CDH23: variants seen among roughly 807,000 people sequenced by gnomAD.
CDH23 encodes the protein cadherin related 23, also known as cadherin-23.
A neutral mutation model predicts 317.1 loss-of-function variants in CDH23; 189 were observed. That is an observed-to-expected ratio of 0.60 (90% confidence interval 0.53 to 0.67). The LOEUF (loss-of-function observed/expected upper bound fraction) is 0.67. CDH23 is among the 30% of genes least tolerant of loss of function. CDH23 has a pLI of 0.00. For synonymous variants in CDH23, 1,839 were observed against 1,876.8 expected (o/e 0.98, Z 0.52); for missense variants, 4,401 against 4,592.4 (o/e 0.96, Z 1.20).
At chr10:71,439,804 C>T in intron 1 of CDH23, 23 bp from the exon 2 acceptor site, 10 of 1,547,590 alleles carry the variant, frequency 6.5e-6, no homozygotes, top group Non-Finnish European at 8.8e-6. Context: ...TTCTCACCCT[C>T]TTCTCTTTCT....
intron 14 of CDH23, among the ~76,000 whole-genome samples, chr10:71,651,253 G>A (rs1863153202): frequency 6.6e-6 from 1 of 151,992 alleles, no homozygotes; most frequent in Non-Finnish European, 1.5e-5. Context: ...AAAGAGGCTG[G>A]GAGCAGTGGC....
chr10:71,588,935 G>T (rs1859272232), intron 9 of CDH23, among the ~76,000 whole-genome samples: 1 of 152,146 alleles, frequency 6.6e-6, no homozygotes, highest in South Asian at 2.1e-4. Context: ...CCTGCTGCAG[G>T]CTGCACTTGG....
chr10:71,741,882 G>T lies in CDH23; in HGVS notation c.4806G>T (p.Leu1602=), dbSNP rs377237148. 1.9e-6 allele frequency: 3 copies of T among 1,609,030 alleles called. No individual in the cohort carries two copies. The highest frequency in any genetic ancestry group is 2.5e-6 in the Non-Finnish European group (3 of 1,178,084). ...GCGAGCGCCAGAGCTTCTACCACCT[G>T]GTGGCCACTGTGGAGGACGAGGGCA... ...PDRERQSFYH[L]VATVEDEGTP... Residue 1602 remains leucine, a synonymous_variant, in exon 38 of 70, where the codon CTG becomes CTT. Transcript: ENST00000224721.
intron 18 of CDH23, among the ~76,000 whole-genome samples, 181 bp downstream of exon 18, chr10:71,682,753 C>A (rs1864706927): frequency 1.3e-5 from 2 of 152,178 alleles, no homozygotes; most frequent in African/African-American, 4.8e-5. Flanking sequence ...GCTGCAACAA[C>A]TTCACTGCCT....
At chr10:71,678,097 T>C (rs868180895) in intron 16 of CDH23, among the ~76,000 whole-genome samples, 32 of 152,302 alleles carry the variant, frequency 2.1e-4, no homozygotes, top group African/African-American at 7.5e-4. Context: ...TTATACACAG[T>C]GTCTGTCTCA....
At chr10:71,664,409 C>T (rs1234674131) in intron 14 of CDH23, among the ~76,000 whole-genome samples, 1 of 152,210 alleles carries the variant, frequency 6.6e-6, no homozygotes, top group Non-Finnish European at 1.5e-5. Context: ...TCGAGAGCAC[C>T]CATCAGCCTC....
intron 6 of CDH23, among the ~76,000 whole-genome samples, chr10:71,547,979 T>C (rs1317665763): frequency 2.6e-5 from 4 of 152,022 alleles, no homozygotes; most frequent in African/African-American, 4.8e-5. Flanking sequence ...CCCCGTGGGG[T>C]AGGGTCAGTC....
At chr10:71,593,090 G>T (rs1264841220) in intron 9 of CDH23, among the ~76,000 whole-genome samples, 1 of 152,236 alleles carries the variant, frequency 6.6e-6, no homozygotes, top group Non-Finnish European at 1.5e-5. Context: ...GGCCATGCGT[G>T]GGGCAGGCCC....
chr10:71,511,517 T>C (rs756229076), intron 6 of CDH23, among the ~76,000 whole-genome samples: 3 of 151,196 alleles, frequency 2.0e-5, no homozygotes, highest in Non-Finnish European at 3.0e-5. Context: ...TGCACCCTCT[T>C]TCCTTCCACT....
At chr10:71,557,625 G>A (rs7069618) in intron 6 of CDH23, among the ~76,000 whole-genome samples, 13 of 152,272 alleles carry the variant, frequency 8.5e-5, no homozygotes, top group African/African-American at 1.9e-4. Context: ...TGAACAATGC[G>A]TTCATGCTAT....
At chr10:71,478,526 C>T (rs757323610) in intron 3 of CDH23, among the ~76,000 whole-genome samples, 10 of 152,244 alleles carry the variant, frequency 6.6e-5, no homozygotes, top group African/African-American at 1.2e-4. Context: ...AGCAGCCCTG[C>T]ATGATAGAGC....
chr10:71,682,619 G>T, intron 18 of CDH23, 47 bp downstream of exon 18: 1 of 1,603,710 alleles, frequency 6.2e-7, no homozygotes. Flanking sequence ...GTAAGGGATG[G>T]TGAGTGCTTC....
chr10:71,739,567 C>A, intron 35 of CDH23, 77 bp from the exon 36 acceptor site: 1 of 1,539,008 alleles, frequency 6.5e-7, no homozygotes. Context: ...AGAGGAGGAC[C>A]AGGGAGTCCC....
chr10:71,564,746 G>A (rs879539462), intron 6 of CDH23, among the ~76,000 whole-genome samples: 6 of 152,320 alleles, frequency 3.9e-5, no homozygotes, highest in East Asian at 3.9e-4. Context: ...AGTGAGGGCC[G>A]GCTACCCTGT....
Position 71,566,948 on chromosome 10 carries a change from T to A in CDH23, c.624+12T>A, listed in dbSNP as rs372584254. On this transcript the variant is annotated intron_variant, in intron 7 of 69. Coordinates refer to ENST00000224721, the MANE Select transcript of CDH23 (RefSeq NM_022124.6). ...CGGTCAACGCCACAGTGAGTCTCCA[T>A]GCTGGGGCCCCGGCCGTCCCAGCTG... 1.2e-6 allele frequency: 2 copies of A among 1,608,880 alleles called. No individual in the cohort carries two copies. Among genetic ancestry groups the A allele is most frequent in the Non-Finnish European group, 1.7e-6 (2 of 1,178,992 alleles).
chr10:71,461,039 G>A (rs1050391687), intron 3 of CDH23, among the ~76,000 whole-genome samples: 8 of 152,238 alleles, frequency 5.3e-5, no homozygotes, highest in African/African-American at 1.9e-4. Flanking sequence ...TACACACAGA[G>A]GCATGAGGCC....
intron 38 of CDH23, among the ~76,000 whole-genome samples, chr10:71,759,663 C>G (rs1332232252): frequency 6.6e-6 from 1 of 151,768 alleles, no homozygotes; most frequent in Non-Finnish European, 1.5e-5. Flanking sequence ...AAAAATTAGC[C>G]AGGCATTGTG....
intron 3 of CDH23, among the ~76,000 whole-genome samples, chr10:71,449,278 G>A (rs1043906576): frequency 3.9e-5 from 6 of 152,110 alleles, no homozygotes; most frequent in African/African-American, 1.2e-4. Flanking sequence ...TGACCGTGTC[G>A]GCTCACCAGA....
chr10:71,720,635 A>G (rs538694885), intron 28 of CDH23, among the ~76,000 whole-genome samples: 1 of 152,228 alleles, frequency 6.6e-6, no homozygotes, highest in African/African-American at 2.4e-5. Context: ...CCTTTTTTGG[A>G]GCCCCAGTTT....
Sources: allele counts gnomAD v4.1 joint callset (sites outside exome capture counted in the v4.1 genomes callset), GRCh38; gene constraint gnomAD v4.1.1; transcripts MANE v1.5; gene names NCBI Gene and HGNC (gene_info 2026-07-23, HGNC 2026-07-21).